The following TPP2 variants were observed in gnomAD, a reference collection of about 807,000 sequenced individuals.
The protein encoded by TPP2 is tripeptidyl-peptidase 2.
Under a neutral mutation model 155.9 loss-of-function variants are expected in TPP2, and 34 were observed. The ratio of observed to expected loss-of-function variants is 0.22; its 90% CI spans 0.17 to 0.29. TPP2 has a LOEUF of 0.29. Among genes scored for constraint, TPP2 ranks in the 10% least tolerant of loss-of-function variants. TPP2 has a pLI of 1.00. For synonymous variants in TPP2, 510 were observed against 529.4 expected, an observed-to-expected ratio of 0.96 and a Z score of 0.50; for missense variants, 1,028 against 1,522.3, an observed-to-expected ratio of 0.68 and a Z score of 5.40.
intron 24 of TPP2, 132 bp from the exon 25 acceptor site, chr13:102,656,924 C>T: frequency 5.5e-6 from 5 of 913,464 alleles, no homozygotes; most frequent in South Asian, 2.0e-5. Flanking sequence ...GTATTGTGAC[C>T]CTTAGAATCT....
At chr13:102,600,462 A>G (rs1423739363) in intron 1 of TPP2, among the ~76,000 whole-genome samples, 1 of 151,538 alleles carries the variant, frequency 6.6e-6, no homozygotes, top group Non-Finnish European at 1.5e-5. Context: ...AGAGGTGAGT[A>G]AGGCCCAATC....
chr13:102,652,430 A>C (rs1883572502), intron 24 of TPP2, among the ~76,000 whole-genome samples: 1 of 16,814 alleles, frequency 5.9e-5, no homozygotes, highest in Non-Finnish European at 1.0e-4. Flanking sequence ...ATATATATAT[A>C]TATATATATA....
chr13:102,601,480 C>T (rs938771700), intron 1 of TPP2, among the ~76,000 whole-genome samples: 3 of 152,206 alleles, frequency 2.0e-5, no homozygotes, highest in African/African-American at 7.2e-5. Flanking sequence ...TGAAGACATA[C>T]ACTAACTTAG....
At chr13:102,610,225 T>G (rs1880174399) in intron 2 of TPP2, among the ~76,000 whole-genome samples, 1 of 152,090 alleles carries the variant, frequency 6.6e-6, no homozygotes. Flanking sequence ...ATTTATTTAT[T>G]TATTTATTCA....
At chr13:102,624,586 T>C (rs1399665105) in intron 6 of TPP2, among the ~76,000 whole-genome samples, 1 of 152,190 alleles carries the variant, frequency 6.6e-6, no homozygotes, top group Non-Finnish European at 1.5e-5. Flanking sequence ...CAGAATTTTA[T>C]GTAAGTGGAA....
intron 24 of TPP2, among the ~76,000 whole-genome samples, chr13:102,652,237 C>T (rs1364297738): frequency 7.9e-5 from 12 of 151,662 alleles, no homozygotes; most frequent in South Asian, 2.1e-4. Context: ...ATTAGCCAGG[C>T]GTGGTAGCAC....
chr13:102,615,804 C>T (rs1880674759), intron 3 of TPP2, among the ~76,000 whole-genome samples: 1 of 152,124 alleles, frequency 6.6e-6, no homozygotes, highest in Admixed American at 6.5e-5. Context: ...AGTCAGTATT[C>T]TTGGAGAAGA....
chr13:102,645,649 T>C (rs1010975522), intron 19 of TPP2, among the ~76,000 whole-genome samples: 2 of 152,252 alleles, frequency 1.3e-5, no homozygotes, highest in Non-Finnish European at 2.9e-5. Context: ...TTTGAAGATA[T>C]ATCCAACTTA....
chr13:102,646,395 G>C lies in TPP2; in HGVS notation c.2490+5G>C. ...CTGACATATAACTTTCATCAAGTAAGTGTTTGCCTAGTAAAGTGTACCCTT... is the reference window on the plus strand; with the variant it reads ...CTGACATATAACTTTCATCAAGTAACTGTTTGCCTAGTAAAGTGTACCCTT... On this transcript the variant is annotated splice_donor_5th_base_variant and intron_variant, in intron 20 of 29. Transcript: ENST00000376052. The C allele has an allele frequency of 6.2e-7, 1 of 1,607,396 alleles. No individual in the cohort carries two copies. The highest frequency in any genetic ancestry group is 8.5e-7 in the Non-Finnish European group (1 of 1,176,802).
At chr13:102,653,558 C>T (rs966194893) in intron 24 of TPP2, among the ~76,000 whole-genome samples, 4 of 151,962 alleles carry the variant, frequency 2.6e-5, no homozygotes, top group Non-Finnish European at 5.9e-5. Flanking sequence ...CTATGCCTGG[C>T]TAATTTTTAC....
At chr13:102,616,614 T>C (rs989515660) in intron 4 of TPP2, 114 bp downstream of exon 4, 10 of 802,630 alleles carry the variant, frequency 1.2e-5, no homozygotes, top group Admixed American at 3.8e-5. Context: ...AAATTTTCTT[T>C]TAAGTTGGTT....
rs1424534030 is a variant in TPP2, at chr13:102,674,330, A to G, written c.3419A>G (p.Lys1140Arg). The G allele has an allele frequency of 1.2e-6, 2 of 1,613,722 alleles. No individual in the cohort carries two copies. Among genetic ancestry groups the G allele is most frequent in the Admixed American group, 1.7e-5 (1 of 59,988 alleles). ...KSTLVDALCR[K>R]GCALADHLLH... ...ACCCTCGTAGATGCCCTTTGTAGGA[A>G]AGGTTGTGCCCTGGCAGACCATCTT... Residue 1140 changes from lysine (K) to arginine (R), a missense_variant, in exon 28 of 30, where the codon AAA becomes AGA. Lys to Arg is a conservative substitution (Grantham distance 26). Transcript: ENST00000376052.
chr13:102,629,575 T>C lies in TPP2; in HGVS notation c.1110T>C (p.Val370=). The stretch of plus-strand genomic sequence containing the variant: ...ATAATGGTCCATGCCTGTCTACAGT[T>C]GGTTGTCCAGGTGGAACTACATCAA... ...AGNNGPCLST[V]GCPGGTTSSV... Residue 370 remains valine (V), a synonymous_variant, in exon 9 of 30, where the codon GTT becomes GTC. Transcript: ENST00000376052. The C allele has an allele frequency of 6.4e-7, 1 of 1,558,966 alleles. No homozygotes were observed. The highest frequency in any genetic ancestry group is 2.2e-5 in the Admixed American group (1 of 45,538).
chr13:102,634,989 GT>G (rs1882275536), intron 11 of TPP2, among the ~76,000 whole-genome samples: 1 of 152,154 alleles, frequency 6.6e-6, no homozygotes, highest in African/African-American at 2.4e-5. Context: ...ATGTTTATGT[GT>G]TTAATGAGCT....
At chr13:102,612,095 G>T (rs1387345167) in intron 2 of TPP2, among the ~76,000 whole-genome samples, 1 of 151,984 alleles carries the variant, frequency 6.6e-6, no homozygotes, top group African/African-American at 2.4e-5. Flanking sequence ...TCAACACTTA[G>T]TCTTAAATAT....
At chr13:102,608,489 A>G (rs1880018422) in intron 2 of TPP2, among the ~76,000 whole-genome samples, 2 of 151,628 alleles carry the variant, frequency 1.3e-5, no homozygotes, top group Admixed American at 1.3e-4. Context: ...CAATTTTTAA[A>G]TTTTTTTCCA....
chr13:102,670,365 G>A (rs571939633), intron 27 of TPP2, among the ~76,000 whole-genome samples: 1 of 152,220 alleles, frequency 6.6e-6, no homozygotes, highest in Admixed American at 6.5e-5. Context: ...ATGACATCAC[G>A]GTCATAACCT....
At chr13:102,637,369 G>T in intron 14 of TPP2, 130 bp downstream of exon 14, 1 of 955,816 alleles carries the variant, frequency 1.0e-6, no homozygotes, top group Non-Finnish European at 1.5e-6. Flanking sequence ...CATCTGCCAG[G>T]TTATTCAGTT....
chr13:102,607,682 A>T (rs765739369), intron 2 of TPP2: 2 of 447,872 alleles, frequency 4.5e-6, no homozygotes. Context: ...TGCTTCCTGT[A>T]TTCAAGTGAT....
Sources: gnomAD v4.1 joint callset for allele counts (sites outside exome capture counted in the v4.1 genomes callset) on GRCh38, gnomAD v4.1.1 for gene constraint, MANE v1.5 for transcripts, NCBI Gene and HGNC (gene_info 2026-07-23, HGNC 2026-07-21) for gene names.